Variants in FGD5 observed in about 807,000 individuals in gnomAD.
FGD5 encodes FYVE, RhoGEF and PH domain-containing protein 5.
In FGD5, 28 loss-of-function variants were observed where a neutral mutation model predicts 133.4. That is an observed-to-expected ratio of 0.21 (90% CI 0.16 to 0.29). The LOEUF is 0.29. FGD5 is among the 10% of genes least tolerant of loss of function. The pLI is 1.00. For synonymous variants in FGD5, 810 were observed against 776.5 expected, an observed-to-expected ratio of 1.04 and a Z score of -0.72; for missense variants, 1,858 against 1,895.2, an observed-to-expected ratio of 0.98 and a Z score of 0.36.
Position 14,821,035 on chromosome 3 carries a change from G to T in FGD5, c.1964G>T (p.Arg655Leu). The T allele has an allele frequency of 6.2e-7, 1 of 1,613,938 alleles. No homozygotes were observed. ...KYKKKKSSFK[R>L]FLALTFKKKT... ...AAGAAGAAGAAGTCATCCTTTAAGC[G>T]CTTCCTGGCACTGACGTTTAAGAAG... Residue 655 changes from arginine to leucine, a missense_variant, in exon 1 of 20, where the codon CGC becomes CTC. Transcript: ENST00000285046.
chr3:14,837,934 T>C (rs2036848549), intron 1 of FGD5, among the ~76,000 whole-genome samples: 1 of 152,208 alleles, frequency 6.6e-6, no homozygotes, highest in Non-Finnish European at 1.5e-5. Context: ...TGCCATAAAT[T>C]TAGTGGCTTA....
At chr3:14,836,942 G>A (rs1312001938) in intron 1 of FGD5, among the ~76,000 whole-genome samples, 1 of 152,154 alleles carries the variant, frequency 6.6e-6, no homozygotes, top group African/African-American at 2.4e-5. Flanking sequence ...GGGAAGGAAG[G>A]ACATTCCAAA....
intron 16 of FGD5, chr3:14,923,391 G>A (rs2038726380): frequency 1.6e-6 from 1 of 629,036 alleles, no homozygotes; most frequent in Non-Finnish European, 2.7e-6. Context: ...GAGCTCTGTG[G>A]GTAGCTAAGC....
At position 14,897,502 on chromosome 3, in the gene FGD5, G is replaced by A; in HGVS notation, c.2749-7G>A. 1.9e-6 allele frequency: 3 copies of A among 1,601,876 alleles called. No homozygotes were observed. The highest frequency in any genetic ancestry group is 2.6e-6 in the Non-Finnish European group (3 of 1,174,358). On this transcript the variant is annotated splice_region_variant and splice_polypyrimidine_tract_variant and intron_variant, in intron 4 of 19. Transcript: ENST00000285046. ...ACCTGTGGGTAACAGACCTTTTGGT[G>A]TTTCAGGATTTCCATGGAGCTGTCA...
intron 1 of FGD5, among the ~76,000 whole-genome samples, chr3:14,859,687 G>A (rs1845281): frequency 0.083 from 12,646 of 152,252 alleles, 743 homozygotes; most frequent in East Asian, 0.3. Context: ...CTGCTGTGCA[G>A]TAGTCTCAAA....
At chr3:14,868,983 G>A (rs562128637) in intron 2 of FGD5, among the ~76,000 whole-genome samples, 1 of 152,174 alleles carries the variant, frequency 6.6e-6, no homozygotes, top group Non-Finnish European at 1.5e-5. Context: ...GGGATTAGGT[G>A]GTAACAAGTG....
At position 14,913,465 on chromosome 3, in the gene FGD5, GGCAGACAGACCAGAT is replaced by G. The variant is rs536746054; in HGVS notation, c.3405+2543_3405+2557del. On this transcript the variant is annotated intron_variant, in intron 11 of 19. Coordinates refer to ENST00000285046, the MANE Select transcript of FGD5 (RefSeq NM_152536.4). ...AGGCCATACCGGATGGCAATGGGGAGGCAGACAGACCAGATGCAGACCCCAGATGCAGACCCCAGC... is the reference window on the plus strand; with the variant it reads ...AGGCCATACCGGATGGCAATGGGGAGGCAGACCCCAGATGCAGACCCCAGC... Among the ~76,000 whole-genome samples, 3 of 152,252 alleles carry G rather than the reference GGCAGACAGACCAGAT, an allele frequency of 2.0e-5. No individual in the cohort carries two copies. In the South Asian group the frequency reaches 6.2e-4, roughly 32 times the overall value.
chr3:14,868,784 A>G (rs2037548590), intron 2 of FGD5, among the ~76,000 whole-genome samples: 1 of 152,150 alleles, frequency 6.6e-6, no homozygotes, highest in South Asian at 2.1e-4. Context: ...TTCCACAGAA[A>G]CTTATTTATT....
rs138145594 is a variant in FGD5 at position 14,834,909 on chromosome 3, G to A, written c.2525+13313G>A. On this transcript the variant is annotated intron_variant, in intron 1 of 19. Transcript: ENST00000285046. The stretch of plus-strand genomic sequence containing the variant: ...AAAGAAGCAAGCTTCAGCAGACCCC[G>A]CGATCTGCCACTGCATTATATGTGA... Among the ~76,000 whole-genome samples the A allele has an allele frequency of 2.8e-3, 428 of 152,266 alleles. 2 individuals carry two copies. The highest frequency in any genetic ancestry group is 9.6e-3 in the African/African-American group (399 of 41,546).
chr3:14,921,705 A>C (rs1243604429), intron 13 of FGD5, among the ~76,000 whole-genome samples: 2 of 152,216 alleles, frequency 1.3e-5, no homozygotes, highest in Admixed American at 6.5e-5. Context: ...TCATTATTCC[A>C]GTGTAAGAAG....
chr3:14,863,676 G>A (rs890199024), intron 1 of FGD5, among the ~76,000 whole-genome samples: 1 of 152,190 alleles, frequency 6.6e-6, no homozygotes, highest in Non-Finnish European at 1.5e-5. Context: ...CAATCTAGCC[G>A]ATGGCAAGGC....
rs1425918585 is a variant in FGD5, at chr3:14,819,408, G to C, written c.337G>C (p.Gly113Arg). The change falls in exon 1 of 20, where the codon GGT becomes CGT. Residue 113 changes from glycine (G) to arginine (R), a missense_variant. Transcript: ENST00000285046. The surrounding 1 kb of genome is among the most constrained non-coding windows in gnomAD (Gnocchi z 4.1). ...GGGAGGCGAGGCATGTGGCCTGGAG[G>C]GTACAGGAGCTGGTGAGGATTCAGT... ...EEGGEACGLE[G>R]TGAGEDSVAP... 1 of 1,550,174 alleles carries C rather than the reference G, an allele frequency of 6.5e-7. No individual in the cohort carries two copies.
chr3:14,828,820 C>CTTTTT (rs59960841), intron 1 of FGD5, among the ~76,000 whole-genome samples: 1 of 124,106 alleles, frequency 8.1e-6, no homozygotes, highest in Non-Finnish European at 1.7e-5. Flanking sequence ...AGGTGGGTCT[C>CTTTTT]TTTTTTTTTT....
chr3:14,904,986 A>AT (rs913054474), intron 9 of FGD5, among the ~76,000 whole-genome samples: 15 of 150,830 alleles, frequency 9.9e-5, no homozygotes, highest in South Asian at 8.4e-4. Flanking sequence ...TATTTTATGT[A>AT]TTTTTTTTTA....
chr3:14,865,935 G>A (rs2125105980), intron 2 of FGD5, among the ~76,000 whole-genome samples: 1 of 152,294 alleles, frequency 6.6e-6, no homozygotes, highest in East Asian at 1.9e-4. Flanking sequence ...GCTTTTCTGG[G>A]CATCCCTGAG....
intron 18 of FGD5, 74 bp from the exon 19 acceptor site, chr3:14,932,503 C>T: frequency 1.3e-6 from 2 of 1,513,946 alleles, no homozygotes; most frequent in African/African-American, 1.4e-5. Flanking sequence ...TCACGCATCT[C>T]AGATTGGAGA....
Position 14,923,097 on chromosome 3 carries a change from G to A in FGD5, c.3859G>A (p.Asp1287Asn), listed in dbSNP as rs762517672. The A allele has an allele frequency of 1.2e-5, 19 of 1,613,792 alleles. No individual in the cohort carries two copies. Residue 1287 changes from aspartate to asparagine, a missense_variant, in exon 16 of 20, where the codon GAC becomes AAC. Coordinates refer to ENST00000285046, the MANE Select transcript of FGD5 (RefSeq NM_152536.4). The stretch of plus-strand genomic sequence containing the variant: ...CAAGTACCCGCTGAAGTACCTGAAG[G>A]ACAGGATGGCCAAGGTCTGCGACGG... ...RNKYPLKYLK[D>N]RMAKVCDGCF...
intron 1 of FGD5, among the ~76,000 whole-genome samples, chr3:14,844,253 TATATATA>T (rs1472590029): frequency 1.6e-5 from 1 of 62,994 alleles, no homozygotes; most frequent in Non-Finnish European, 3.1e-5. Context: ...TATATATATA[TATATATA>T]TATATATATA....
At chr3:14,857,307 G>GC (rs2037303794) in intron 1 of FGD5, among the ~76,000 whole-genome samples, 11 of 152,098 alleles carry the variant, frequency 7.2e-5, no homozygotes, top group Admixed American at 7.2e-4. Flanking sequence ...ATAGGGATGA[G>GC]CCACTACATT....
Sources: allele counts gnomAD v4.1 joint callset (sites outside exome capture counted in the v4.1 genomes callset), GRCh38; gene constraint gnomAD v4.1.1; non-coding constraint Gnocchi (gnomAD v3.1); transcripts MANE v1.5; gene names NCBI Gene and HGNC (gene_info 2026-07-23, HGNC 2026-07-21).